Variants in STMN3 observed in about 807,000 individuals in gnomAD.
STMN3 encodes the protein stathmin 3.
Under a neutral mutation model 23.2 loss-of-function variants are expected in STMN3, and 24 were observed. The observed-to-expected ratio is 1.03, with a 90% confidence interval of 0.75 to 1.45. The LOEUF (loss-of-function observed/expected upper bound fraction) is 1.45, where lower values mean the gene tolerates loss of function less well. Among genes scored for constraint, STMN3 ranks in the 40% most tolerant of loss-of-function variants. The probability of loss-of-function intolerance (pLI) is 0.00; values close to 1 mark genes in which losing one functional copy is unlikely to be tolerated. For synonymous variants in STMN3, 117 were observed against 103.4 expected, an observed-to-expected ratio of 1.13 and a Z score of -0.80; for missense variants, 235 against 237.6, an observed-to-expected ratio of 0.99 and a Z score of 0.07.
At chr20:63,646,244 G>A (rs937797545) in intron 1 of STMN3, among the ~76,000 whole-genome samples, 1 of 152,110 alleles carries the variant, frequency 6.6e-6, no homozygotes. Context: ...ATGAGACTTT[G>A]AGCCGGGAAG....
At chr20:63,648,667 C>T (rs2146120856) in intron 1 of STMN3, among the ~76,000 whole-genome samples, 1 of 152,230 alleles carries the variant, frequency 6.6e-6, no homozygotes, top group Admixed American at 6.5e-5. Context: ...GCCTGGAAGG[C>T]GGAAGTTGTA....
At chr20:63,647,859 CGT>C (rs1292344688) in intron 1 of STMN3, among the ~76,000 whole-genome samples, 2 of 108,536 alleles carry the variant, frequency 1.8e-5, no homozygotes, top group South Asian at 2.5e-4. Flanking sequence ...AATATATATA[CGT>C]ATATATACAC....
At chr20:63,648,766 A>C (rs1368259453) in intron 1 of STMN3, among the ~76,000 whole-genome samples, 1 of 152,186 alleles carries the variant, frequency 6.6e-6, no homozygotes, top group Non-Finnish European at 1.5e-5. Flanking sequence ...TGTTTACCAT[A>C]AAGGCCAGAA....
intron 1 of STMN3, among the ~76,000 whole-genome samples, chr20:63,644,826 T>C (rs910163314): frequency 3.3e-5 from 5 of 152,216 alleles, no homozygotes; most frequent in Non-Finnish European, 5.9e-5. Flanking sequence ...CACCCGTCTA[T>C]GTACCAGGAG....
chr20:63,651,941 G>A (rs2089862224), intron 1 of STMN3, among the ~76,000 whole-genome samples: 1 of 152,180 alleles, frequency 6.6e-6, no homozygotes, highest in African/African-American at 2.4e-5. Context: ...TGTCAGGAAG[G>A]GCAGGAGGCG....
chr20:63,650,961 C>CT lies in STMN3; in HGVS notation c.19+2365dup, dbSNP rs151283484. On this transcript the variant is annotated intron_variant, in intron 1 of 4. Transcript: ENST00000370053. ...CTTCGTCTTCCTCCTCTTCTTTCTTCTTTTTTTTTTTTTTTAGAAAGAGTT... is the reference window on the plus strand; with the variant it reads ...CTTCGTCTTCCTCCTCTTCTTTCTTCTTTTTTTTTTTTTTTTAGAAAGAGTT... Among the ~76,000 whole-genome samples the CT allele has an allele frequency of 1.9e-3, 250 of 132,980 alleles. 3 individuals are homozygous for CT. The highest frequency in any genetic ancestry group is 0.011 in the Middle Eastern group (3 of 262). The allele number at this position is 132,980 out of a possible 152,430, so 87.2% of individuals were successfully genotyped here.
chr20:63,651,620 C>T (rs969339184), intron 1 of STMN3, among the ~76,000 whole-genome samples: 2 of 152,206 alleles, frequency 1.3e-5, no homozygotes, highest in Admixed American at 6.5e-5. Context: ...GCTTGACGTG[C>T]GGTGAGCACT....
At chr20:63,647,948 G>GTGTGTGTC (rs1320052757) in intron 1 of STMN3, among the ~76,000 whole-genome samples, 1 of 63,836 alleles carries the variant, frequency 1.6e-5, no homozygotes, top group Non-Finnish European at 3.4e-5. Context: ...GTGTGTGTGT[G>GTGTGTGTC]TATATATATA....
intron 1 of STMN3, among the ~76,000 whole-genome samples, chr20:63,647,894 G>A (rs1393590891): frequency 7.1e-5 from 8 of 111,930 alleles, no homozygotes; most frequent in Non-Finnish European, 1.3e-4. Context: ...ATATATATAC[G>A]TATATATACA....
At chr20:63,648,462 G>A (rs1242960936) in intron 1 of STMN3, among the ~76,000 whole-genome samples, 2 of 152,140 alleles carry the variant, frequency 1.3e-5, no homozygotes, top group East Asian at 3.9e-4. Context: ...GTGGCCGGGC[G>A]CAGTGGCTCA....
intron 1 of STMN3, 31 bp from the exon 2 acceptor site, chr20:63,644,340 C>T (rs766641409): frequency 7.6e-6 from 12 of 1,570,660 alleles, no homozygotes; most frequent in Non-Finnish European, 1.0e-5. Context: ...TGAGCAAGCA[C>T]CACTGGGGCC....
chr20:63,647,991 T>TATATGTATATATATATACAC (rs1288050001), intron 1 of STMN3, among the ~76,000 whole-genome samples: 1 of 75,892 alleles, frequency 1.3e-5, no homozygotes, highest in African/African-American at 4.9e-5. Context: ...CATATATATA[T>TATATGTATATATATATACAC]ACAGAGAGAG....
intron 1 of STMN3, among the ~76,000 whole-genome samples, chr20:63,647,752 TA>T (rs1348315277): frequency 8.0e-6 from 1 of 125,746 alleles, no homozygotes; most frequent in Non-Finnish European, 1.7e-5. Flanking sequence ...CGTGTATATA[TA>T]TAATATATAT....
rs1329214645 is a variant in STMN3 at position 63,642,116 on chromosome 20, G to A, written c.475C>T (p.Arg159Cys). The change falls in exon 4 of 5, where the codon CGC (arginine) becomes TGC (cysteine). Residue 159 changes from arginine to cysteine, a missense_variant. Transcript: ENST00000370053. ...CGGCCCCGCCCCCGCACCTTCTCGCGCAGCCGCTCGCGCAGTGCGGCCAGG... is the reference window on the plus strand; with the variant it reads ...CGGCCCCGCCCCCGCACCTTCTCGCACAGCCGCTCGCGCAGTGCGGCCAGG... ...AHLAALRERL[R>C]EKELHAAEVR... 8 of 1,454,644 alleles carry A rather than the reference G, an allele frequency of 5.5e-6. No homozygotes were observed. Among genetic ancestry groups the A allele is most frequent in the Non-Finnish European group, 7.3e-6 (8 of 1,100,544 alleles). The allele number at this position is 1,454,644 out of a possible 1,614,324, so 90.1% of individuals were successfully genotyped here. A position where few individuals can be genotyped will look rare whatever the true frequency, so the allele number is the denominator to read the frequency against.
chr20:63,642,541 C>A (rs2089777557), intron 3 of STMN3, among the ~76,000 whole-genome samples: 1 of 152,056 alleles, frequency 6.6e-6, no homozygotes, highest in Non-Finnish European at 1.5e-5. Context: ...GTCCCTGCCT[C>A]GCGCGCGGGT....
Position 63,642,169 on chromosome 20 carries a change from T to G in STMN3, c.422A>C (p.Glu141Ala). The change falls in exon 4 of 5, where the codon GAG becomes GCG. Residue 141 changes from glutamate (E) to alanine (A), a missense_variant. Coordinates refer to ENST00000370053, the MANE Select transcript of STMN3 (RefSeq NM_015894.4). ...QAEEKLNYKM[E>A]LSKEIREAHL... is the part of the protein sequence containing the mutation. ...TGCCTCGCGGATCTCCTTGCTGAGC[T>G]CCATCTTGTAGTTGAGCTTCTCCTC... is the stretch of plus-strand genomic sequence containing the variant. 2.6e-6 allele frequency: 4 copies of G among 1,531,288 alleles called. No individual in the cohort carries two copies. Among genetic ancestry groups the G allele is most frequent in the Non-Finnish European group, 3.5e-6 (4 of 1,139,736 alleles). The allele number at this position is 1,531,288 out of a possible 1,614,324, so 94.9% of individuals were successfully genotyped here.
Position 63,643,639 on chromosome 20 carries a change from C to T in STMN3, c.291+117G>A, listed in dbSNP as rs185352964. ...GCCCAGGGAGCCACAGCCCCTCCTG[C>T]TCCAGGCCAAGGCACTGACCAAGCC... On this transcript the variant is annotated intron_variant, in intron 3 of 4. Coordinates refer to ENST00000370053, the MANE Select transcript of STMN3 (RefSeq NM_015894.4). 8,443 of 1,389,892 alleles carry T rather than the reference C, an allele frequency of 6.1e-3. 29 individuals are homozygous for T. Among genetic ancestry groups the T allele is most frequent in the Middle Eastern group, 9.6e-3 (36 of 3,748 alleles). The allele number at this position is 1,389,892 out of a possible 1,614,324, so 86.1% of individuals were successfully genotyped here.
Position 63,652,452 on chromosome 20 carries a change from T to C in STMN3, c.19+875A>G. The stretch of plus-strand genomic sequence containing the variant: ...TTCGGGAAGGGCGGGCCCAGCGTCC[T>C]CGCGCCCGAGGTCGCCCGGCAGCTC... On this transcript the variant is annotated intron_variant, in intron 1 of 4. Transcript: ENST00000370053. This position sits in a 1 kb window ranked among gnomAD's most constrained non-coding sequence, Gnocchi z 5.3. 3.5e-6 allele frequency: 2 copies of C among 568,366 alleles called. No homozygotes were observed. Among genetic ancestry groups the C allele is most frequent in the Non-Finnish European group, 4.5e-6 (2 of 448,286 alleles). The allele number at this position is 568,366 out of a possible 1,614,324, so 35.2% of individuals were successfully genotyped here. A position where few individuals can be genotyped will look rare whatever the true frequency, so the allele number is the denominator to read the frequency against.
rs149816800 is a variant in STMN3, at chr20:63,642,183, G to A, written c.408C>T (p.Leu136=). 3.9e-5 allele frequency: 60 copies of A among 1,557,914 alleles called. No homozygotes were observed. The highest frequency in any genetic ancestry group is 4.7e-5 in the Non-Finnish European group (54 of 1,154,630). ...NNFSRQAEEK[L]NYKMELSKEI... ...CCTTGCTGAGCTCCATCTTGTAGTT[G>A]AGCTTCTCCTCCGCCTGGCGGCTGA... The change falls in exon 4 of 5, where the codon CTC becomes CTT. Residue 136 remains leucine (L), a synonymous_variant. Transcript: ENST00000370053.
Sources: allele counts gnomAD v4.1 joint callset (sites outside exome capture counted in the v4.1 genomes callset), GRCh38; gene constraint gnomAD v4.1.1; non-coding constraint Gnocchi (gnomAD v3.1); transcripts MANE v1.5; gene names NCBI Gene and HGNC (gene_info 2026-07-23, HGNC 2026-07-21).